LUZP2: variants seen among roughly 807,000 people sequenced by gnomAD.
The protein encoded by LUZP2 is leucine zipper protein 2.
A neutral mutation model predicts 51.6 loss-of-function variants in LUZP2; 52 were observed. The observed-to-expected ratio is 1.01, with a 90% CI of 0.81 to 1.27. The LOEUF is 1.27. Among genes scored for constraint, LUZP2 ranks in the 50% most tolerant of loss-of-function variants. The probability of loss-of-function intolerance (pLI) is 0.00; values close to 1 mark genes in which losing one functional copy is unlikely to be tolerated. For synonymous variants in LUZP2, 154 were observed against 137.3 expected, an observed-to-expected ratio of 1.12 and a Z score of -0.85; for missense variants, 436 against 395.4, an observed-to-expected ratio of 1.10 and a Z score of -0.87.
intron 9 of LUZP2, among the ~76,000 whole-genome samples, chr11:25,022,309 T>C (rs1565240608): frequency 6.6e-6 from 1 of 152,068 alleles, no homozygotes; most frequent in Non-Finnish European, 1.5e-5. Context: ...GGGTATTCCA[T>C]GAACACATGG....
At chr11:24,505,334 T>A (rs909217421) in intron 1 of LUZP2, among the ~76,000 whole-genome samples, 1 of 152,136 alleles carries the variant, frequency 6.6e-6, no homozygotes, top group Non-Finnish European at 1.5e-5. Context: ...TCGTGTTGCA[T>A]GGGGTTAAAT....
intron 5 of LUZP2, among the ~76,000 whole-genome samples, chr11:24,803,045 G>A (rs1394864717): frequency 1.3e-5 from 2 of 151,924 alleles, no homozygotes; most frequent in Non-Finnish European, 2.9e-5. Flanking sequence ...AACAGACTAA[G>A]ACACATCTCA....
chr11:24,561,975 G>C (rs1590182300), intron 1 of LUZP2, among the ~76,000 whole-genome samples: 1 of 152,104 alleles, frequency 6.6e-6, no homozygotes, highest in African/African-American at 2.4e-5. Flanking sequence ...CAAGAAAGTA[G>C]ATGTTTTTTA....
intron 1 of LUZP2, among the ~76,000 whole-genome samples, chr11:24,669,946 A>G (rs990360853): frequency 2.6e-5 from 4 of 152,238 alleles, no homozygotes; most frequent in Admixed American, 2.6e-4. Flanking sequence ...GTAGGACTCT[A>G]GGCATCTAGA....
At chr11:24,524,207 T>C (rs1226887593) in intron 1 of LUZP2, among the ~76,000 whole-genome samples, 1 of 150,502 alleles carries the variant, frequency 6.6e-6, no homozygotes, top group Non-Finnish European at 1.5e-5. Flanking sequence ...ATTAAAATAT[T>C]TTTTTAATAA....
chr11:24,661,493 G>A (rs536504517), intron 1 of LUZP2, among the ~76,000 whole-genome samples: 61 of 152,156 alleles, frequency 4.0e-4, no homozygotes, highest in Non-Finnish European at 4.9e-4. Flanking sequence ...TGGATCAGAT[G>A]TTGCACTTGC....
intron 1 of LUZP2, among the ~76,000 whole-genome samples, chr11:24,656,038 C>T (rs1030449425): frequency 2.0e-5 from 3 of 152,068 alleles, no homozygotes; most frequent in African/African-American, 7.2e-5. Context: ...ACTTCAAAGT[C>T]GTTATTCATT....
intron 1 of LUZP2, among the ~76,000 whole-genome samples, chr11:24,505,312 A>G (rs1025518186): frequency 7.2e-5 from 11 of 152,146 alleles, no homozygotes; most frequent in African/African-American, 2.7e-4. Flanking sequence ...TGGAGATGAC[A>G]AGAGGTGTTT....
chr11:24,891,784 A>C (rs1262300196), intron 5 of LUZP2: 1 of 964,278 alleles, frequency 1.0e-6, no homozygotes, highest in East Asian at 1.1e-4. Context: ...TAGATCATAC[A>C]AAGAGAGAAC....
At chr11:24,876,772 A>C (rs951070654) in intron 5 of LUZP2, among the ~76,000 whole-genome samples, 1 of 150,478 alleles carries the variant, frequency 6.6e-6, no homozygotes. Context: ...CTTTTATTTC[A>C]TTGAGAAGTG....
At position 24,860,049 on chromosome 11, in the gene LUZP2, G is replaced by A. The variant is rs139760272; in HGVS notation, c.397-45942G>A. Among the ~76,000 whole-genome samples the A allele has an allele frequency of 1.8e-3, 272 of 152,306 alleles. 2 individuals are homozygous for A. Among genetic ancestry groups the A allele is most frequent in the Middle Eastern group, 6.8e-3 (2 of 294 alleles). The stretch of plus-strand genomic sequence containing the variant: ...AGGACTCACAACTGCCTAACTCCCC[G>A]TGCAGGGGAAGGGCAGCACCCATCT... On this transcript the variant is annotated intron_variant, in intron 5 of 11. Coordinates refer to ENST00000336930, the MANE Select transcript of LUZP2 (RefSeq NM_001009909.4).
intron 5 of LUZP2, among the ~76,000 whole-genome samples, chr11:24,903,132 C>T (rs1346483194): frequency 1.3e-5 from 2 of 152,108 alleles, no homozygotes; most frequent in African/African-American, 2.4e-5. Context: ...TATTTTGCTA[C>T]AACCTGAGCA....
At chr11:25,050,891 T>C (rs1187298351) in intron 10 of LUZP2, among the ~76,000 whole-genome samples, 2 of 152,186 alleles carry the variant, frequency 1.3e-5, no homozygotes, top group South Asian at 4.1e-4. Flanking sequence ...ATAGGAAATA[T>C]GGAATTTGTT....
intron 9 of LUZP2, among the ~76,000 whole-genome samples, chr11:25,013,538 A>C (rs554512057): frequency 6.6e-6 from 1 of 152,220 alleles, no homozygotes; most frequent in Admixed American, 6.5e-5. Flanking sequence ...GAAATGCGTG[A>C]AGATATATTT....
At chr11:25,023,265 A>T (rs2133977671) in intron 9 of LUZP2, among the ~76,000 whole-genome samples, 1 of 152,238 alleles carries the variant, frequency 6.6e-6, no homozygotes, top group South Asian at 2.1e-4. Context: ...TCGGCTGTGA[A>T]TCCATCTAAT....
chr11:25,077,808 T>C (rs1359103627), intron 11 of LUZP2, among the ~76,000 whole-genome samples: 1 of 152,156 alleles, frequency 6.6e-6, no homozygotes, highest in East Asian at 1.9e-4. Flanking sequence ...ATCCATGGTA[T>C]TTAACACTCT....
At chr11:24,608,203 T>C (rs903221142) in intron 1 of LUZP2, among the ~76,000 whole-genome samples, 2 of 152,190 alleles carry the variant, frequency 1.3e-5, no homozygotes, top group African/African-American at 4.8e-5. Flanking sequence ...AAAAGTTTAA[T>C]AATCTCTGTC....
At chr11:24,847,880 T>C (rs918958434) in intron 5 of LUZP2, among the ~76,000 whole-genome samples, 19 of 152,198 alleles carry the variant, frequency 1.2e-4, no homozygotes, top group Non-Finnish European at 4.4e-5. Context: ...ACTATCACCA[T>C]TAATTTCAAA....
chr11:25,060,943 T>G (rs1858817027), intron 10 of LUZP2, among the ~76,000 whole-genome samples: 1 of 152,192 alleles, frequency 6.6e-6, no homozygotes. Context: ...ATTGCTGAAA[T>G]ATAGTAATCT....
Sources: gnomAD v4.1 joint callset for allele counts (sites outside exome capture counted in the v4.1 genomes callset) on GRCh38, gnomAD v4.1.1 for gene constraint, MANE v1.5 for transcripts, NCBI Gene and HGNC (gene_info 2026-07-23, HGNC 2026-07-21) for gene names.